The following TANC2 variants were observed in gnomAD, a reference collection of about 807,000 sequenced individuals.
The protein encoded by TANC2 is tetratricopeptide repeat, ankyrin repeat and coiled-coil containing 2, also known as protein TANC2.
A neutral mutation model predicts 210.5 loss-of-function variants in TANC2; 26 were observed. The ratio of observed to expected loss-of-function variants is 0.12; its 90% CI spans 0.09 to 0.17. The LOEUF (loss-of-function observed/expected upper bound fraction) is 0.17, where lower values mean the gene tolerates loss of function less well. TANC2 is among the 10% of genes least tolerant of loss of function. The probability of loss-of-function intolerance (pLI) is 1.00; values close to 1 mark genes in which losing one functional copy is unlikely to be tolerated. For missense variants in TANC2, 2,129 were observed against 2,608.9 expected, an observed-to-expected ratio of 0.82 and a Z score of 4.01; for synonymous variants, 931 against 967.1, an observed-to-expected ratio of 0.96 and a Z score of 0.69.
chr17:63,019,350 T>TG (rs112075512), intron 2 of TANC2, among the ~76,000 whole-genome samples: 77,284 of 151,792 alleles, frequency 0.51, 21,129 homozygotes, highest in African/African-American at 0.71. Flanking sequence ...CCTGAGTACC[T>TG]GGGATTACAG....
chr17:63,354,334 AT>A lies in TANC2; in HGVS notation c.1975-440del, dbSNP rs1185521593. ...TTTATACATCTGTGTTGTGTGGGAA[AT>A]TTTTTTTTAAATAGTCATTTTATTA... is the stretch of plus-strand genomic sequence containing the variant. On this transcript the variant is annotated intron_variant, in intron 13 of 27. Coordinates refer to ENST00000689528, the Ensembl canonical transcript of TANC2. Among the ~76,000 whole-genome samples, 4 of 151,962 alleles carry A rather than the reference AT, an allele frequency of 2.6e-5. No homozygotes were observed. In the East Asian group the frequency reaches 5.8e-4, roughly 22 times the overall value.
intron 7 of TANC2, among the ~76,000 whole-genome samples, chr17:63,218,099 C>T (rs977050254): frequency 6.6e-6 from 1 of 151,914 alleles, no homozygotes; most frequent in Admixed American, 6.5e-5. Context: ...GCCTGGGCAA[C>T]ATAGTGAGAT....
chr17:62,999,138 TA>T (rs1226790348), intron 1 of TANC2, among the ~76,000 whole-genome samples: 1 of 152,218 alleles, frequency 6.6e-6, no homozygotes, highest in Non-Finnish European at 1.5e-5. Flanking sequence ...GTCTTGGTGC[TA>T]CCTTTACAGT....
chr17:63,246,322 G>A (rs2042920177), intron 8 of TANC2, among the ~76,000 whole-genome samples: 1 of 147,240 alleles, frequency 6.8e-6, no homozygotes, highest in Non-Finnish European at 1.5e-5. Context: ...CAAGTATATT[G>A]AGTCTTATTT....
intron 11 of TANC2, 118 bp from the exon 12 acceptor site, chr17:63,339,980 AAAG>A: frequency 1.4e-6 from 1 of 715,622 alleles, no homozygotes; most frequent in Non-Finnish European, 2.3e-6. Flanking sequence ...AAGAGACAAA[AAAG>A]TATTATGTAA....
chr17:63,285,792 TACAG>T (rs2044203031), intron 9 of TANC2, among the ~76,000 whole-genome samples: 1 of 152,218 alleles, frequency 6.6e-6, no homozygotes, highest in African/African-American at 2.4e-5. Context: ...CGTGTGGTCA[TACAG>T]ACCCCCACCT....
chr17:63,046,441 C>T (rs1027059838), intron 2 of TANC2, among the ~76,000 whole-genome samples: 3 of 144,450 alleles, frequency 2.1e-5, no homozygotes, highest in Non-Finnish European at 4.5e-5. Context: ...AAGTGATTCT[C>T]CTGCTGCAGC....
chr17:63,415,751 G>A, intron 26 of TANC2, 77 bp downstream of exon 26: 1 of 1,538,726 alleles, frequency 6.5e-7, no homozygotes, highest in Non-Finnish European at 8.8e-7. Flanking sequence ...CTTTTACCAG[G>A]CCCCTGAAAT....
chr17:63,070,354 T>C (rs1285252217), intron 2 of TANC2, among the ~76,000 whole-genome samples: 1 of 152,148 alleles, frequency 6.6e-6, no homozygotes, highest in African/African-American at 2.4e-5. Context: ...TGGGGTGGTT[T>C]TTTGGGAATT....
At chr17:62,983,249 T>C (rs1050968095) in intron 1 of TANC2, among the ~76,000 whole-genome samples, 1 of 152,158 alleles carries the variant, frequency 6.6e-6, no homozygotes, top group African/African-American at 2.4e-5. Flanking sequence ...TTAGCTAGTT[T>C]ATTGTTTGTG....
intron 7 of TANC2, among the ~76,000 whole-genome samples, chr17:63,220,866 G>A (rs2042168493): frequency 6.7e-6 from 1 of 150,116 alleles, no homozygotes; most frequent in Non-Finnish European, 1.5e-5. Flanking sequence ...ACGTATATAT[G>A]TACGTATACA....
chr17:63,145,393 T>C (rs371904015), intron 4 of TANC2, among the ~76,000 whole-genome samples: 11 of 152,192 alleles, frequency 7.2e-5, no homozygotes, highest in African/African-American at 2.7e-4. Flanking sequence ...TAAAATGTTA[T>C]AAGATTCTGC....
chr17:63,389,491 G>A, exon 17 of TANC2: 2 of 1,613,220 alleles, frequency 1.2e-6, no homozygotes, highest in Non-Finnish European at 1.7e-6. Context: ...GGGATATGCT[G>A]CAGCAGCAGG....
intron 9 of TANC2, among the ~76,000 whole-genome samples, chr17:63,290,691 C>T (rs72845244): frequency 0.15 from 22,735 of 151,716 alleles, 2,032 homozygotes; most frequent in Middle Eastern, 0.21. Context: ...TTGTTTATTG[C>T]TTTAGGTGGG....
At chr17:63,400,328 T>C (rs2048303555) in intron 19 of TANC2, among the ~76,000 whole-genome samples, 1 of 152,194 alleles carries the variant, frequency 6.6e-6, no homozygotes, top group Non-Finnish European at 1.5e-5. Context: ...AAGAAATCCT[T>C]AAAAATATTC....
At chr17:63,082,944 C>A (rs1598370341) in intron 3 of TANC2, among the ~76,000 whole-genome samples, 2 of 152,312 alleles carry the variant, frequency 1.3e-5, no homozygotes, top group Admixed American at 1.3e-4. Flanking sequence ...CAAAGAGATA[C>A]AGCCAAATTC....
chr17:62,968,542 A>G (rs375386680), intron 1 of TANC2: 1 of 152,260 alleles, frequency 6.6e-6, no homozygotes, highest in African/African-American at 2.4e-5. Context: ...AAAGGGCCAG[A>G]GGAGAATAAA....
At chr17:63,414,409 T>G (rs2048797623) in intron 25 of TANC2, 1 of 152,172 alleles carries the variant, frequency 6.6e-6, no homozygotes. Context: ...CTAAGTACCC[T>G]TTGAATGAGT....
intron 3 of TANC2, among the ~76,000 whole-genome samples, chr17:63,086,549 G>T (rs1031670231): frequency 6.6e-5 from 10 of 152,052 alleles, no homozygotes; most frequent in African/African-American, 2.4e-4. Context: ...TTTCATAGAA[G>T]TTCCATCTAC....
Sources: allele counts gnomAD v4.1 joint callset (sites outside exome capture counted in the v4.1 genomes callset), GRCh38; gene constraint gnomAD v4.1.1; transcripts MANE v1.5; gene names NCBI Gene and HGNC (gene_info 2026-07-23, HGNC 2026-07-21).